The following RPH3A variants were observed in gnomAD, a reference collection of about 807,000 sequenced individuals.
RPH3A encodes the protein rabphilin 3A.
Under a neutral mutation model 102.2 loss-of-function variants are expected in RPH3A, and 48 were observed. That is an observed-to-expected ratio of 0.47 (90% confidence interval 0.37 to 0.60). RPH3A has a LOEUF of 0.60. Among genes scored for constraint, RPH3A ranks in the 20% least tolerant of loss-of-function variants. The pLI is 0.00. For missense variants in RPH3A, 781 were observed against 910.1 expected (o/e 0.86, Z 1.83); for synonymous variants, 310 against 324.3 (o/e 0.96, Z 0.47).
At chr12:112,883,783 A>T (rs988758008) in intron 16 of RPH3A, among the ~76,000 whole-genome samples, 2 of 152,178 alleles carry the variant, frequency 1.3e-5, no homozygotes, top group African/African-American at 4.8e-5. Context: ...ATGCCATTTC[A>T]CATTCTTCTA....
At position 112,828,343 on chromosome 12, in the gene RPH3A, A is replaced by G; in HGVS notation, c.25A>G (p.Ser9Gly). 1 of 1,610,906 alleles carries G rather than the reference A, an allele frequency of 6.2e-7. No individual in the cohort carries two copies. Among genetic ancestry groups the G allele is most frequent in the Non-Finnish European group, 8.5e-7 (1 of 1,178,606 alleles). ...TATGACTGACACCGTGTTCAGCAAC[A>G]GTTCTAACCGTTGGATGTACCCCAG... MTDTVFSN[S>G]SNRWMYPSDR... The change falls in exon 3 of 22, where the codon AGT becomes GGT. Residue 9 changes from serine (S) to glycine (G), a missense_variant. Ser to Gly is a moderately conservative substitution (Grantham distance 56). Around this residue, in one of 2 missense-constraint regions of RPH3A, gnomAD observed 730 missense variants for 810.0 expected, o/e 0.90. Transcript: ENST00000389385.
chr12:112,865,369 T>C (rs993227185), intron 5 of RPH3A, 45 bp from the exon 6 acceptor site: 2 of 1,603,950 alleles, frequency 1.2e-6, no homozygotes, highest in Non-Finnish European at 1.7e-6. Context: ...ATGCTGGTGG[T>C]CCCCAGTCCT....
chr12:112,769,882 C>G (rs539388876), intron 1 of RPH3A, among the ~76,000 whole-genome samples: 41 of 152,292 alleles, frequency 2.7e-4, no homozygotes, highest in African/African-American at 9.6e-4. Context: ...GACCACAACT[C>G]CCTGGTGTCC....
chr12:112,875,236 A>C, intron 11 of RPH3A, 66 bp downstream of exon 11: 1 of 1,255,026 alleles, frequency 8.0e-7, no homozygotes, highest in Non-Finnish European at 1.1e-6. Context: ...CATACCTCCC[A>C]TCCCTGCTTG....
At chr12:112,731,252 G>C (rs1221372772) in intron 1 of RPH3A, among the ~76,000 whole-genome samples, 1 of 151,978 alleles carries the variant, frequency 6.6e-6, no homozygotes, top group East Asian at 1.9e-4. Context: ...AGAGGAGAGA[G>C]AAAGAGAAAG....
intron 1 of RPH3A, among the ~76,000 whole-genome samples, chr12:112,759,179 G>T (rs2040838876): frequency 6.6e-6 from 1 of 152,140 alleles, no homozygotes; most frequent in South Asian, 2.1e-4. Flanking sequence ...AAACACCATA[G>T]TGTAAAAAAT....
At chr12:112,759,772 CT>C (rs1405136987) in intron 1 of RPH3A, among the ~76,000 whole-genome samples, 1 of 152,150 alleles carries the variant, frequency 6.6e-6, no homozygotes, top group Admixed American at 6.5e-5. Context: ...CATTCTAACT[CT>C]GGCAGGGTCA....
intron 1 of RPH3A, among the ~76,000 whole-genome samples, chr12:112,636,302 T>A (rs930702544): frequency 6.6e-6 from 1 of 152,324 alleles, no homozygotes; most frequent in East Asian, 1.9e-4. Flanking sequence ...TCTACTCACA[T>A]TTTATTGGCC....
chr12:112,579,604 A>G (rs1216011465), intron 1 of RPH3A, among the ~76,000 whole-genome samples: 1 of 152,246 alleles, frequency 6.6e-6, no homozygotes, highest in Non-Finnish European at 1.5e-5. Context: ...TCAAAGTCAT[A>G]CAAGTATATA....
intron 5 of RPH3A, among the ~76,000 whole-genome samples, chr12:112,850,220 A>G (rs2042301143): frequency 6.6e-6 from 1 of 152,184 alleles, no homozygotes; most frequent in Admixed American, 6.5e-5. Context: ...GGATAACATT[A>G]TCACATACAT....
At chr12:112,712,627 A>G (rs1359088003) in intron 1 of RPH3A, among the ~76,000 whole-genome samples, 1 of 151,946 alleles carries the variant, frequency 6.6e-6, no homozygotes, top group Non-Finnish European at 1.5e-5. Context: ...AGCCTGCATT[A>G]TGAATTTGGT....
At chr12:112,668,253 GAAAT>G (rs1472494124) in intron 1 of RPH3A, among the ~76,000 whole-genome samples, 4 of 152,124 alleles carry the variant, frequency 2.6e-5, no homozygotes, top group South Asian at 2.1e-4. Context: ...AAATGTTTAT[GAAAT>G]AAATAAATCA....
rs79181452 is a variant in RPH3A, at chr12:112,609,094, C to T, written c.-140+33775C>T. ...GGATGTTTCGTGAGCACCATCTTCC[C>T]CAAATCCTCACAGACTGTTTCTTAC... is the stretch of plus-strand genomic sequence containing the variant. On this transcript the variant is annotated intron_variant, in intron 1 of 21. Coordinates refer to the RPH3A transcript ENST00000543106. Among the ~76,000 whole-genome samples, 1,012 of 152,268 alleles carry T rather than the reference C, an allele frequency of 6.6e-3. 17 individuals carry two copies. Among genetic ancestry groups the T allele is most frequent in the African/African-American group, 0.023 (972 of 41,536 alleles).
intron 1 of RPH3A, among the ~76,000 whole-genome samples, chr12:112,774,775 C>T (rs907124017): frequency 1.2e-4 from 17 of 147,666 alleles, no homozygotes; most frequent in African/African-American, 3.0e-4. Context: ...TGGAGCAGGT[C>T]GGGGGGTGAG....
chr12:112,813,453 C>T (rs2136125012), intron 2 of RPH3A: 1 of 152,300 alleles, frequency 6.6e-6, no homozygotes, highest in African/African-American at 2.4e-5. Context: ...AGAGGCAGGC[C>T]TTGAAGATTT....
chr12:112,583,038 T>C (rs1037489814), intron 1 of RPH3A, among the ~76,000 whole-genome samples: 5 of 152,302 alleles, frequency 3.3e-5, no homozygotes, highest in Middle Eastern at 3.4e-3. Flanking sequence ...TAAAACTTAC[T>C]TTGCCTCCCA....
chr12:112,639,477 T>C lies in RPH3A; in HGVS notation c.-140+64158T>C, dbSNP rs2039871034. On this transcript the variant is annotated intron_variant, in intron 1 of 21. Coordinates refer to the RPH3A transcript ENST00000543106. Reference sequence around the variant, plus strand: ...ACATGGATACATGAAGGGATGGGGGTAACACTGGGGCCTGTCGGGGGAGAG... The same window carrying C: ...ACATGGATACATGAAGGGATGGGGGCAACACTGGGGCCTGTCGGGGGAGAG... Among the ~76,000 whole-genome samples, 3 of 151,626 alleles carry C rather than the reference T, an allele frequency of 2.0e-5. No individual in the cohort carries two copies. The South Asian group carries it at 6.3e-4, about 32-fold the overall frequency.
chr12:112,586,704 G>A (rs1425948833), intron 1 of RPH3A, among the ~76,000 whole-genome samples: 1 of 152,152 alleles, frequency 6.6e-6, no homozygotes, highest in Non-Finnish European at 1.5e-5. Flanking sequence ...ATGTCCTCAT[G>A]TAATCTTCCC....
intron 1 of RPH3A, among the ~76,000 whole-genome samples, chr12:112,593,907 T>C (rs1456487977): frequency 6.6e-6 from 1 of 152,232 alleles, no homozygotes; most frequent in Non-Finnish European, 1.5e-5. Context: ...CACTGTTATA[T>C]GCTCCCCTAA....
Sources: gnomAD v4.1 joint callset for allele counts (sites outside exome capture counted in the v4.1 genomes callset) on GRCh38, gnomAD v4.1.1 for gene constraint, gnomAD v4.1.1 regional missense constraint, MANE v1.5 for transcripts, NCBI Gene and HGNC (gene_info 2026-07-23, HGNC 2026-07-21) for gene names.